Variants in EBF1 observed in about 807,000 individuals in gnomAD.
The protein encoded by EBF1 is transcription factor COE1.
A neutral mutation model predicts 68.4 loss-of-function variants in EBF1; 10 were observed. The observed-to-expected ratio is 0.15, with a 90% CI of 0.09 to 0.25. The LOEUF (loss-of-function observed/expected upper bound fraction) is 0.25. Ranked by LOEUF, EBF1 falls within the 10% of genes least tolerant of loss-of-function variation. The probability of loss-of-function intolerance (pLI) is 1.00; values close to 1 mark genes in which losing one functional copy is unlikely to be tolerated. For missense variants in EBF1, 509 were observed against 794.4 expected (o/e 0.64, Z 4.32); for synonymous variants, 298 against 299.8 (o/e 0.99, Z 0.06).
intron 15 of EBF1, among the ~76,000 whole-genome samples, chr5:158,707,282 G>C (rs949967936): frequency 6.6e-6 from 1 of 152,122 alleles, no homozygotes; most frequent in African/African-American, 2.4e-5. Context: ...AGTTTTAAAA[G>C]GTGGGTAACC....
At chr5:159,062,207 A>T (rs1775980275) in intron 6 of EBF1, among the ~76,000 whole-genome samples, 1 of 152,194 alleles carries the variant, frequency 6.6e-6, no homozygotes, top group East Asian at 1.9e-4. Flanking sequence ...TCCTTCCTCG[A>T]GTAGACACAG....
chr5:158,947,127 T>C (rs539342768), intron 6 of EBF1, among the ~76,000 whole-genome samples: 2 of 152,142 alleles, frequency 1.3e-5, no homozygotes, highest in East Asian at 3.9e-4. Context: ...CTGGGCTCCA[T>C]GGGGGTGGGA....
chr5:159,068,369 G>A (rs551410062), intron 6 of EBF1, among the ~76,000 whole-genome samples: 1 of 99,224 alleles, frequency 1.0e-5, no homozygotes, highest in East Asian at 2.3e-4. Context: ...GTATGTGGGT[G>A]GGTGGATGGA....
At chr5:158,929,025 C>T (rs772012784) in intron 6 of EBF1, among the ~76,000 whole-genome samples, 1 of 151,916 alleles carries the variant, frequency 6.6e-6, no homozygotes, top group Non-Finnish European at 1.5e-5. Context: ...AGACACTGGG[C>T]TAGAGAAGAA....
intron 6 of EBF1, among the ~76,000 whole-genome samples, chr5:159,029,005 A>C (rs1561834144): frequency 6.6e-6 from 1 of 152,228 alleles, no homozygotes; most frequent in Non-Finnish European, 1.5e-5. Flanking sequence ...ACAACCCTAA[A>C]GTATATATAT....
At chr5:158,786,888 C>T (rs995614045) in intron 9 of EBF1, among the ~76,000 whole-genome samples, 1 of 152,108 alleles carries the variant, frequency 6.6e-6, no homozygotes, top group Non-Finnish European at 1.5e-5. Flanking sequence ...ATTCACCTTT[C>T]ACCAAAAGAC....
At position 158,712,351 on chromosome 5, in the gene EBF1, A is replaced by C. The variant is rs749298303; in HGVS notation, c.1370-18T>G. ...GGTGAAACCTGAGGGGCGGGGGCAA[A>C]ACCGGAGGTGAGGGTGGCATTCAGA... On this transcript the variant is annotated intron_variant, in intron 13 of 15. Coordinates refer to ENST00000313708, the MANE Select transcript of EBF1 (RefSeq NM_024007.5). 3 of 1,611,932 alleles carry C rather than the reference A, an allele frequency of 1.9e-6. No individual in the cohort carries two copies. Among genetic ancestry groups the C allele is most frequent in the Non-Finnish European group, 2.5e-6 (3 of 1,178,782 alleles).
chr5:158,793,574 T>TA (rs1011526303), intron 9 of EBF1, among the ~76,000 whole-genome samples: 11 of 151,966 alleles, frequency 7.2e-5, no homozygotes, highest in East Asian at 1.9e-4. Context: ...CCTTCCTTTA[T>TA]AAAAAAAATA....
intron 6 of EBF1, among the ~76,000 whole-genome samples, chr5:158,978,240 C>T (rs1326081939): frequency 6.6e-6 from 1 of 152,228 alleles, no homozygotes; most frequent in Admixed American, 6.5e-5. Flanking sequence ...CCCCGACATG[C>T]GGCCGCTGTG....
At chr5:158,762,651 T>A (rs1771730445) in intron 10 of EBF1, among the ~76,000 whole-genome samples, 1 of 152,184 alleles carries the variant, frequency 6.6e-6, no homozygotes, top group South Asian at 2.1e-4. Context: ...TTCTCCTGCC[T>A]CAGCCTCCCA....
At position 158,712,182 on chromosome 5, in the gene EBF1, G is replaced by T. The variant is rs763968946; in HGVS notation, c.1521C>A (p.Asn507Lys). The T allele has an allele frequency of 6.2e-7, 1 of 1,613,830 alleles. No homozygotes were observed. Among genetic ancestry groups the T allele is most frequent in the Admixed American group, 1.7e-5 (1 of 59,996 alleles). Residue 507 changes from asparagine (N) to lysine (K), a missense_variant, in exon 14 of 16, where the codon AAC (asparagine) becomes AAA (lysine). Around this residue, in one of 3 missense-constraint regions of EBF1, gnomAD observed 205 missense variants for 247.4 expected, o/e 0.83. Coordinates refer to ENST00000313708, the MANE Select transcript of EBF1 (RefSeq NM_024007.5). ...CATAGGGGGAGTTGGCAGCTGAGCCGTTGAGGAAGGTGGGGGAGCCGCCCA... is the reference window on the plus strand; with the variant it reads ...CATAGGGGGAGTTGGCAGCTGAGCCTTTGAGGAAGGTGGGGGAGCCGCCCA... ...SNLGGSPTFL[N>K]GSAANSPYAI...
chr5:158,886,250 A>C (rs1295718228), intron 6 of EBF1, among the ~76,000 whole-genome samples: 1 of 152,250 alleles, frequency 6.6e-6, no homozygotes, highest in Non-Finnish European at 1.5e-5. Context: ...GCTAAACCAC[A>C]AGTTTTACAA....
At chr5:159,077,263 C>A (rs1778939886) in intron 5 of EBF1, among the ~76,000 whole-genome samples, 1 of 152,086 alleles carries the variant, frequency 6.6e-6, no homozygotes, top group Non-Finnish European at 1.5e-5. Flanking sequence ...GGTGAAACCC[C>A]ATCTCTAATA....
At chr5:158,904,068 C>T (rs931025904) in intron 6 of EBF1, among the ~76,000 whole-genome samples, 1 of 152,152 alleles carries the variant, frequency 6.6e-6, no homozygotes, top group Non-Finnish European at 1.5e-5. Flanking sequence ...ACCCAAGGCC[C>T]TGACTCCAAT....
intron 6 of EBF1, among the ~76,000 whole-genome samples, chr5:158,939,120 A>G (rs1413640529): frequency 1.3e-5 from 2 of 152,240 alleles, no homozygotes; most frequent in Non-Finnish European, 2.9e-5. Context: ...GGAGCAGCAC[A>G]TTAAATGGAG....
intron 6 of EBF1, among the ~76,000 whole-genome samples, chr5:158,880,706 G>A (rs902767613): frequency 1.3e-5 from 2 of 152,168 alleles, no homozygotes; most frequent in Non-Finnish European, 2.9e-5. Flanking sequence ...AAATAAGAAC[G>A]GTGTTCGGTT....
chr5:158,891,432 T>C (rs1467113444), intron 6 of EBF1, among the ~76,000 whole-genome samples: 1 of 152,134 alleles, frequency 6.6e-6, no homozygotes, highest in Non-Finnish European at 1.5e-5. Context: ...TAATGCCCAC[T>C]TCCCTGCAAG....
chr5:159,027,178 T>G (rs1306407346), intron 6 of EBF1, among the ~76,000 whole-genome samples: 2 of 152,184 alleles, frequency 1.3e-5, no homozygotes, highest in Non-Finnish European at 2.9e-5. Context: ...AATTCCTACC[T>G]GTACACTCCT....
At chr5:159,074,874 C>A (rs1459280012) in intron 5 of EBF1, among the ~76,000 whole-genome samples, 1 of 152,156 alleles carries the variant, frequency 6.6e-6, no homozygotes, top group African/African-American at 2.4e-5. Context: ...TATACTGCTA[C>A]TTTTGGGATG....
Sources: allele counts gnomAD v4.1 joint callset (sites outside exome capture counted in the v4.1 genomes callset), GRCh38; gene constraint gnomAD v4.1.1; regional missense constraint gnomAD v4.1.1; transcripts MANE v1.5; gene names NCBI Gene and HGNC (gene_info 2026-07-23, HGNC 2026-07-21).